The following DCHS2 variants were observed in gnomAD, a reference collection of about 807,000 sequenced individuals.
DCHS2 encodes dachsous cadherin-related 2, also known as protocadherin-23.
Under a neutral mutation model 182.4 loss-of-function variants are expected in DCHS2, and 142 were observed. The ratio of observed to expected loss-of-function variants is 0.78; its 90% CI spans 0.68 to 0.89. DCHS2 has a LOEUF of 0.89. Ranked by LOEUF, DCHS2 falls within the 40% of genes least tolerant of loss-of-function variation. The probability of loss-of-function intolerance (pLI) is 0.00; values close to 1 mark genes in which losing one functional copy is unlikely to be tolerated. For missense variants in DCHS2, 4,319 were observed against 4,198.6 expected, an observed-to-expected ratio of 1.03 and a Z score of -0.79; for synonymous variants, 1,740 against 1,663.3, an observed-to-expected ratio of 1.05 and a Z score of -1.12.
chr4:154,433,276 A>C (rs1733632439), intron 1 of DCHS2, among the ~76,000 whole-genome samples: 1 of 152,130 alleles, frequency 6.6e-6, no homozygotes, highest in Admixed American at 6.5e-5. Context: ...GCTTGGAGGA[A>C]ATGAGGAAGA....
At chr4:154,262,956 A>G (rs1733058240) in intron 14 of DCHS2, among the ~76,000 whole-genome samples, 1 of 152,228 alleles carries the variant, frequency 6.6e-6, no homozygotes, top group Admixed American at 6.5e-5. Context: ...TGAAGTTTAA[A>G]TACAGAGTCA....
intron 18 of DCHS2, 49 bp downstream of exon 18, chr4:154,240,488 A>ATTCT: frequency 6.3e-7 from 1 of 1,589,418 alleles, no homozygotes; most frequent in Non-Finnish European, 8.6e-7. Flanking sequence ...ATTATTCTCT[A>ATTCT]TTCTTTCTAG....
At chr4:154,462,203 C>A (rs905222040) in intron 1 of DCHS2, among the ~76,000 whole-genome samples, 26 of 152,096 alleles carry the variant, frequency 1.7e-4, no homozygotes, top group African/African-American at 5.1e-4. Context: ...ATGATACATC[C>A]AATTTTTGCC....
intron 3 of DCHS2, among the ~76,000 whole-genome samples, chr4:154,344,447 TC>T (rs1729262705): frequency 6.6e-6 from 1 of 152,224 alleles, no homozygotes; most frequent in African/African-American, 2.4e-5. Flanking sequence ...ATCTATACAT[TC>T]AGTCACTTCC....
chr4:154,479,833 G>A (rs983065372), intron 1 of DCHS2, among the ~76,000 whole-genome samples: 3 of 152,260 alleles, frequency 2.0e-5, no homozygotes, highest in South Asian at 4.2e-4. Context: ...TATGCTGGAC[G>A]CTGATAGAGG....
At chr4:154,322,267 A>ACTT in intron 8 of DCHS2, 64 bp downstream of exon 8, 1 of 1,602,362 alleles carries the variant, frequency 6.2e-7, no homozygotes, top group African/African-American at 1.3e-5. Context: ...CACTCTATAA[A>ACTT]CTTGTAATGA....
At chr4:154,295,303 T>C (rs778624173) in intron 13 of DCHS2, among the ~76,000 whole-genome samples, 21 of 152,238 alleles carry the variant, frequency 1.4e-4, no homozygotes, top group South Asian at 2.1e-4. Flanking sequence ...TTAAATTCCA[T>C]ACCATTTTAG....
At chr4:154,397,644 T>C (rs947409996) in intron 1 of DCHS2, among the ~76,000 whole-genome samples, 2 of 152,212 alleles carry the variant, frequency 1.3e-5, no homozygotes, top group African/African-American at 4.8e-5. Context: ...TTAACCTGAC[T>C]GTGCCTAACA....
intron 1 of DCHS2, 96 bp from the exon 2 acceptor site, chr4:154,377,540 C>A (rs900769081): frequency 3.5e-5 from 32 of 924,248 alleles, no homozygotes; most frequent in Non-Finnish European, 5.1e-5. Context: ...AACCACATAA[C>A]CCCCATAGCT....
rs540842817 is a variant in DCHS2 at position 154,267,948 on chromosome 4, A to G, written c.6577+1952T>C. 2.0e-3 allele frequency among the ~76,000 whole-genome samples: 306 copies of G among 152,244 alleles called. 2 individuals are homozygous for G. Among genetic ancestry groups the G allele is most frequent in the African/African-American group, 6.9e-3 (288 of 41,550 alleles). On this transcript the variant is annotated intron_variant, in intron 14 of 19. Coordinates refer to ENST00000357232, the MANE Select transcript of DCHS2 (RefSeq NM_001358235.2). ...TGCTGAAGCCTTCATAGAGGGCTCA[A>G]TGCTTTCTGTTGCAACATGTTACTG... is the stretch of plus-strand genomic sequence containing the variant.
intron 1 of DCHS2, among the ~76,000 whole-genome samples, chr4:154,427,818 A>G (rs1733393494): frequency 6.6e-6 from 1 of 152,212 alleles, no homozygotes; most frequent in African/African-American, 2.4e-5. Flanking sequence ...CATAATGTTA[A>G]CTACCTCTCT....
intron 1 of DCHS2, among the ~76,000 whole-genome samples, chr4:154,377,757 G>A (rs76596573): frequency 0.037 from 5,668 of 152,060 alleles, 142 homozygotes; most frequent in Middle Eastern, 0.061. Flanking sequence ...TTCACTATAC[G>A]TAACTAATCT....
chr4:154,287,978 C>T (rs994038673), intron 13 of DCHS2, among the ~76,000 whole-genome samples: 6 of 152,080 alleles, frequency 3.9e-5, no homozygotes, highest in Admixed American at 2.6e-4. Flanking sequence ...AAACCGCCTT[C>T]ACTAAAACGA....
intron 3 of DCHS2, among the ~76,000 whole-genome samples, chr4:154,361,595 G>A (rs1330448487): frequency 2.0e-5 from 3 of 151,954 alleles, no homozygotes; most frequent in Non-Finnish European, 4.4e-5. Context: ...AGTGAACTAA[G>A]AATAAGAGAA....
chr4:154,411,116 A>T (rs114053823), intron 1 of DCHS2, among the ~76,000 whole-genome samples: 531 of 152,346 alleles, frequency 3.5e-3, no homozygotes, highest in Middle Eastern at 0.02. Flanking sequence ...ATTATGCTAA[A>T]TCAAAGAAGT....
At chr4:154,444,838 C>T (rs968745622) in intron 1 of DCHS2, among the ~76,000 whole-genome samples, 5 of 152,198 alleles carry the variant, frequency 3.3e-5, no homozygotes, top group African/African-American at 7.2e-5. Flanking sequence ...CTCTTCCACG[C>T]GCCCCGTTCA....
At chr4:154,346,156 C>A (rs536791644) in intron 3 of DCHS2, among the ~76,000 whole-genome samples, 5 of 152,248 alleles carry the variant, frequency 3.3e-5, no homozygotes, top group South Asian at 4.1e-4. Flanking sequence ...TAATTCCATC[C>A]CATTAGGGGT....
chr4:154,375,760 A>C (rs1442555546), intron 2 of DCHS2, among the ~76,000 whole-genome samples: 1 of 152,178 alleles, frequency 6.6e-6, no homozygotes, highest in African/African-American at 2.4e-5. Flanking sequence ...GTATATACTC[A>C]AGAGAAATGC....
chr4:154,491,794 T>A lies in DCHS2; in HGVS notation c.-439A>T, dbSNP rs1579137432. ...ATGGGGATCTGGCCGGAGTAGGGGG[T>A]GGAGTAAGGGCGTGGAGGCAGGGAG... On this transcript the variant is annotated 5_prime_UTR_variant, in exon 1 of 20. Transcript: ENST00000357232. 2 of 960,020 alleles carry A rather than the reference T, an allele frequency of 2.1e-6. No homozygotes were observed. Among genetic ancestry groups the A allele is most frequent in the Non-Finnish European group, 2.4e-6 (2 of 822,714 alleles). The allele number at this position is 960,020 out of a possible 1,614,324, so 59.5% of individuals were successfully genotyped here. A position where few individuals can be genotyped will look rare whatever the true frequency, so the allele number is the denominator to read the frequency against.
Sources: allele counts gnomAD v4.1 joint callset (sites outside exome capture counted in the v4.1 genomes callset), GRCh38; gene constraint gnomAD v4.1.1; transcripts MANE v1.5; gene names NCBI Gene and HGNC (gene_info 2026-07-23, HGNC 2026-07-21).